DIAPH2: variants seen among roughly 807,000 people sequenced by gnomAD.
DIAPH2 encodes protein diaphanous homolog 2.
Under a neutral mutation model 92.7 loss-of-function variants are expected in DIAPH2, and 35 were observed. The ratio of observed to expected loss-of-function variants is 0.38; its 90% CI spans 0.29 to 0.50. DIAPH2 has a LOEUF of 0.50. Ranked by LOEUF, DIAPH2 falls within the 20% of genes least tolerant of loss-of-function variation. DIAPH2 has a pLI of 0.94. For missense variants in DIAPH2, 701 were observed against 819.5 expected (o/e 0.86, Z 1.77); for synonymous variants, 301 against 280.4 (o/e 1.07, Z -0.73).
chrX:97,168,489 C>A (rs760867869), intron 22 of DIAPH2, among the ~76,000 whole-genome samples: 21 of 111,289 alleles, frequency 1.9e-4, no homozygotes, highest in African/African-American at 6.9e-4. Flanking sequence ...TCTGTATTTT[C>A]TTTTATTCAT....
chrX:97,190,609 G>A (rs1420028131), intron 22 of DIAPH2, among the ~76,000 whole-genome samples: 1 of 110,817 alleles, frequency 9.0e-6, no homozygotes, highest in Non-Finnish European at 1.9e-5. Flanking sequence ...GGCACTTTGG[G>A]AGGCTGAGGT....
chrX:96,759,465 T>C lies in DIAPH2; in HGVS notation c.447+1207T>C, dbSNP rs1358733301. ...TTCAAGTGATAAGTGAAATTTGCCA[T>C]GAGCGTCGTTTTCAATAGAATTAGG... is the stretch of plus-strand genomic sequence containing the variant. On this transcript the variant is annotated intron_variant, in intron 4 of 26. Coordinates refer to ENST00000324765, the MANE Select transcript of DIAPH2 (RefSeq NM_006729.5). Among the ~76,000 whole-genome samples, 4 of 111,900 alleles carry C rather than the reference T, an allele frequency of 3.6e-5. No homozygotes were observed. The East Asian group carries it at 1.1e-3, about 31-fold the overall frequency.
At position 97,051,519 on chromosome X, in the gene DIAPH2, C is replaced by CTT. The variant is rs1297761037; in HGVS notation, c.2051-21412_2051-21411dup. On this transcript the variant is annotated intron_variant, in intron 17 of 26. Transcript: ENST00000324765. The stretch of plus-strand genomic sequence containing the variant: ...TAACTGTCTTGCTTTGTTTTTTTTT[C>CTT]TTTTTTTTTTTAATTGGCCACTCAC... 5.4e-4 allele frequency among the ~76,000 whole-genome samples: 53 copies of CTT among 97,927 alleles called. No homozygotes were observed. The East Asian group carries it at 9.6e-3, about 18-fold the overall frequency. The allele number at this position is 97,927 out of a possible 115,157, so 85.0% of individuals were successfully genotyped here.
chrX:97,453,272 C>A (rs2070374144), intron 26 of DIAPH2, among the ~76,000 whole-genome samples: 1 of 110,597 alleles, frequency 9.0e-6, no homozygotes, highest in Non-Finnish European at 1.9e-5. Context: ...CCATCCATCC[C>A]TTAAATTAGA....
chrX:97,396,613 G>C (rs2069707312), intron 25 of DIAPH2, among the ~76,000 whole-genome samples: 1 of 111,285 alleles, frequency 9.0e-6, no homozygotes, highest in Non-Finnish European at 1.9e-5. Flanking sequence ...TCCAGTCTGG[G>C]CGACAGAGTG....
chrX:97,580,111 C>T (rs756112165), intron 26 of DIAPH2, among the ~76,000 whole-genome samples: 5 of 110,874 alleles, frequency 4.5e-5, no homozygotes, highest in Non-Finnish European at 7.6e-5. Flanking sequence ...ATGTCATCTG[C>T]AAACAGGGAC....
intron 9 of DIAPH2, among the ~76,000 whole-genome samples, chrX:96,924,522 C>T (rs2065567130): frequency 9.0e-6 from 1 of 111,517 alleles, no homozygotes; most frequent in African/African-American, 3.3e-5. Flanking sequence ...TTCCTCAGCA[C>T]TATTTGGCAC....
intron 24 of DIAPH2, among the ~76,000 whole-genome samples, chrX:97,349,088 T>A (rs935019701): frequency 1.3e-3 from 137 of 105,545 alleles, no homozygotes; most frequent in African/African-American, 4.6e-3. Flanking sequence ...ATATATTTTT[T>A]TTTTTTTTAA....
intron 1 of DIAPH2, among the ~76,000 whole-genome samples, chrX:96,731,216 C>T (rs757674637): frequency 3.6e-5 from 4 of 111,069 alleles, no homozygotes; most frequent in Admixed American, 1.9e-4. Flanking sequence ...TATGGCTTAG[C>T]TTGGGTCCAG....
intron 20 of DIAPH2, among the ~76,000 whole-genome samples, chrX:97,113,478 C>T (rs904936012): frequency 2.7e-5 from 3 of 111,952 alleles, no homozygotes; most frequent in Non-Finnish European, 5.6e-5. Flanking sequence ...AATACAGTAA[C>T]AGGTAGATAT....
intron 22 of DIAPH2, among the ~76,000 whole-genome samples, chrX:97,194,764 C>T (rs2067687939): frequency 9.0e-6 from 1 of 111,632 alleles, no homozygotes; most frequent in Non-Finnish European, 1.9e-5. Flanking sequence ...CATTTTATAG[C>T]TTAACAGTAT....
intron 5 of DIAPH2, among the ~76,000 whole-genome samples, chrX:96,895,765 G>A (rs1049904670): frequency 1.8e-5 from 2 of 111,712 alleles, no homozygotes; most frequent in Non-Finnish European, 3.8e-5. Context: ...ATAGTTACTG[G>A]GTTTATTGAA....
intron 25 of DIAPH2, among the ~76,000 whole-genome samples, chrX:97,419,453 T>C (rs1005925660): frequency 6.2e-5 from 7 of 112,506 alleles, no homozygotes; most frequent in African/African-American, 2.3e-4. Flanking sequence ...TTTTGTGAAA[T>C]TGTTATGTAG....
In DIAPH2 at chrX:97,351,218, C is replaced by T. The variant is rs2069209163; in HGVS notation, c.3009+2938C>T. Among the ~76,000 whole-genome samples the T allele has an allele frequency of 2.7e-5, 3 of 112,230 alleles. No homozygotes were observed. In the Middle Eastern group the frequency reaches 0.014, roughly 517 times the overall value. ...TATAAAAGACGGAAAATAATTTAAG[C>T]CATGTCTTCCTCACTACTATCTGAA... On this transcript the variant is annotated intron_variant, in intron 24 of 26. Transcript: ENST00000324765.
chrX:96,924,101 G>C (rs1022018078), intron 9 of DIAPH2, among the ~76,000 whole-genome samples: 29 of 111,745 alleles, frequency 2.6e-4, no homozygotes, highest in Admixed American at 4.8e-4. Flanking sequence ...ACATATGAGG[G>C]AGTAGCTTTG....
intron 26 of DIAPH2, among the ~76,000 whole-genome samples, chrX:97,432,723 G>A (rs909102949): frequency 7.2e-5 from 8 of 111,488 alleles, no homozygotes; most frequent in African/African-American, 2.6e-4. Flanking sequence ...CTGACCTCAG[G>A]TGATCCGCCC....
At chrX:97,204,966 A>G (rs778657424) in intron 22 of DIAPH2, among the ~76,000 whole-genome samples, 1 of 111,787 alleles carries the variant, frequency 8.9e-6, no homozygotes, top group Non-Finnish European at 1.9e-5. Context: ...TACTTGTACC[A>G]AAACAGACAT....
chrX:96,859,978 A>G (rs1015880612), intron 4 of DIAPH2, among the ~76,000 whole-genome samples: 2 of 112,143 alleles, frequency 1.8e-5, no homozygotes, highest in Non-Finnish European at 3.8e-5. Context: ...ATAAATATGA[A>G]CTATGTTTTC....
At chrX:97,009,284 G>A (rs1222417666) in intron 17 of DIAPH2, among the ~76,000 whole-genome samples, 1 of 111,332 alleles carries the variant, frequency 9.0e-6, no homozygotes, top group Admixed American at 9.5e-5. Context: ...GCAGCTTGCG[G>A]TGAATGCCTC....
Sources: allele counts gnomAD v4.1 joint callset (sites outside exome capture counted in the v4.1 genomes callset), GRCh38; gene constraint gnomAD v4.1.1; transcripts MANE v1.5; gene names NCBI Gene and HGNC (gene_info 2026-07-23, HGNC 2026-07-21).